Variants in PTPRR observed in about 807,000 individuals in gnomAD.
PTPRR encodes the protein protein tyrosine phosphatase receptor type R.
Under a neutral mutation model 77.2 loss-of-function variants are expected in PTPRR, and 38 were observed. That is an observed-to-expected ratio of 0.49 (90% CI 0.38 to 0.65). PTPRR has a LOEUF of 0.65. Ranked by LOEUF, PTPRR falls within the 30% of genes least tolerant of loss-of-function variation. PTPRR has a pLI of 0.00. For missense variants in PTPRR, 744 were observed against 799.2 expected (o/e 0.93, Z 0.83); for synonymous variants, 299 against 283.1 (o/e 1.06, Z -0.57).
chr12:70,639,870 A>G (rs1434005351), intron 13 of PTPRR, among the ~76,000 whole-genome samples: 1 of 152,230 alleles, frequency 6.6e-6, no homozygotes, highest in Non-Finnish European at 1.5e-5. Context: ...TACAAGTAAA[A>G]TGAAGTCTAC....
intron 13 of PTPRR, among the ~76,000 whole-genome samples, chr12:70,653,132 G>A (rs1463262039): frequency 6.6e-6 from 1 of 152,152 alleles, no homozygotes; most frequent in Non-Finnish European, 1.5e-5. Flanking sequence ...GAGTCCCCGG[G>A]TGATTTGGGG....
intron 2 of PTPRR, among the ~76,000 whole-genome samples, chr12:70,809,785 T>C (rs1454689396): frequency 2.6e-5 from 4 of 152,182 alleles, no homozygotes; most frequent in Admixed American, 2.0e-4. Context: ...TACGAACAAT[T>C]CAAATAAAAG....
intron 6 of PTPRR, among the ~76,000 whole-genome samples, chr12:70,702,967 A>G (rs1419741452): frequency 6.6e-6 from 1 of 151,766 alleles, no homozygotes; most frequent in African/African-American, 2.4e-5. Context: ...ATATACATAT[A>G]TATCACCTTA....
intron 13 of PTPRR, among the ~76,000 whole-genome samples, chr12:70,655,062 C>A (rs75887541): frequency 1.3e-5 from 2 of 152,218 alleles, no homozygotes; most frequent in South Asian, 4.1e-4. Flanking sequence ...CTAACTCAAT[C>A]GTCCATTTAC....
intron 10 of PTPRR, among the ~76,000 whole-genome samples, chr12:70,679,922 C>A (rs538465269): frequency 6.6e-6 from 1 of 152,080 alleles, no homozygotes; most frequent in African/African-American, 2.4e-5. Context: ...AGAACTTACT[C>A]CTGCCATTTT....
intron 4 of PTPRR, among the ~76,000 whole-genome samples, chr12:70,755,884 G>A (rs1890552066): frequency 6.6e-6 from 1 of 151,994 alleles, no homozygotes; most frequent in South Asian, 2.1e-4. Context: ...GTCTCTATAA[G>A]CATAGCTGGA....
rs139450325 is a variant in PTPRR, at chr12:70,771,440, C to T, written c.358-6662G>A. On this transcript the variant is annotated intron_variant, in intron 2 of 13. Transcript: ENST00000283228. The stretch of plus-strand genomic sequence containing the variant: ...GGGGTGAGGGACTGCTTAATGTGTG[C>T]TGTGCTCACTGCCTGGGTGATGGGA... Among the ~76,000 whole-genome samples, 366 of 152,172 alleles carry T rather than the reference C, an allele frequency of 2.4e-3. 1 individual carries two copies. The highest frequency in any genetic ancestry group is 8.5e-3 in the African/African-American group (354 of 41,524).
intron 6 of PTPRR, among the ~76,000 whole-genome samples, chr12:70,744,243 C>T (rs766454405): frequency 4.6e-5 from 7 of 152,342 alleles, no homozygotes; most frequent in South Asian, 2.1e-4. Context: ...AACCCAGGAA[C>T]GGCAGGGCTG....
At chr12:70,822,934 C>T (rs879480682) in intron 2 of PTPRR, among the ~76,000 whole-genome samples, 3 of 151,922 alleles carry the variant, frequency 2.0e-5, no homozygotes, top group Non-Finnish European at 4.4e-5. Flanking sequence ...GTGCATTTCT[C>T]ATCCTTGGGT....
In PTPRR at chr12:70,705,323, C is replaced by T. The variant is rs80204504; in HGVS notation, c.1008-4000G>A. Among the ~76,000 whole-genome samples, 754 of 152,080 alleles carry T rather than the reference C, an allele frequency of 5.0e-3. 10 individuals carry two copies. The highest frequency in any genetic ancestry group is 0.017 in the African/African-American group (713 of 41,512). On this transcript the variant is annotated intron_variant, in intron 6 of 13. Transcript: ENST00000283228. ...CTCAGAAACCAGGCATTTATTTTCC[C>T]GGTAGTTGGGGACCATAATGCTAGA... is the stretch of plus-strand genomic sequence containing the variant.
chr12:70,870,333 CAG>C (rs1892938165), intron 2 of PTPRR, among the ~76,000 whole-genome samples: 1 of 152,144 alleles, frequency 6.6e-6, no homozygotes. Context: ...TAATATCACA[CAG>C]AGTTATGAGA....
At chr12:70,883,415 C>T (rs372137702) in intron 2 of PTPRR, among the ~76,000 whole-genome samples, 4 of 152,062 alleles carry the variant, frequency 2.6e-5, no homozygotes, top group African/African-American at 7.2e-5. Flanking sequence ...TCTGGTAAGC[C>T]GAATGATTAC....
intron 2 of PTPRR, among the ~76,000 whole-genome samples, chr12:70,884,174 T>C (rs1893196474): frequency 6.6e-6 from 1 of 152,194 alleles, no homozygotes. Flanking sequence ...AACACGTTGC[T>C]TCTACCACCT....
chr12:70,835,174 G>A (rs560498356), intron 2 of PTPRR, among the ~76,000 whole-genome samples: 3 of 152,190 alleles, frequency 2.0e-5, no homozygotes, highest in African/African-American at 7.2e-5. Context: ...AGAAGGTATT[G>A]TAGGTTTCTG....
intron 5 of PTPRR, among the ~76,000 whole-genome samples, chr12:70,747,969 G>T (rs1353890070): frequency 6.6e-6 from 1 of 152,120 alleles, no homozygotes; most frequent in Non-Finnish European, 1.5e-5. Context: ...GCAGTGTCTG[G>T]AGGTATTTTT....
At chr12:70,676,751 T>C (rs187304681) in intron 10 of PTPRR, among the ~76,000 whole-genome samples, 51 of 152,176 alleles carry the variant, frequency 3.4e-4, no homozygotes, top group Admixed American at 1.2e-3. Context: ...CTATGTTCCA[T>C]ATTCCATTCC....
chr12:70,852,687 G>T (rs1002758869), intron 2 of PTPRR, among the ~76,000 whole-genome samples: 2 of 152,170 alleles, frequency 1.3e-5, no homozygotes, highest in African/African-American at 2.4e-5. Context: ...CAACAGAAAA[G>T]GAGTTCAAGT....
chr12:70,827,046 C>T (rs1892121337), intron 2 of PTPRR, among the ~76,000 whole-genome samples: 1 of 152,188 alleles, frequency 6.6e-6, no homozygotes, highest in Admixed American at 6.5e-5. Context: ...GATGTTAGCT[C>T]CACAGGACAC....
intron 2 of PTPRR, among the ~76,000 whole-genome samples, chr12:70,839,324 T>TGC (rs1892356133): frequency 6.6e-6 from 1 of 151,992 alleles, no homozygotes; most frequent in Admixed American, 6.6e-5. Context: ...GATATGTGTG[T>TGC]GTGTGTGTGT....
Sources: gnomAD v4.1 joint callset for allele counts (sites outside exome capture counted in the v4.1 genomes callset) on GRCh38, gnomAD v4.1.1 for gene constraint, MANE v1.5 for transcripts, NCBI Gene and HGNC (gene_info 2026-07-23, HGNC 2026-07-21) for gene names.